Variants in TBC1D8B observed in about 807,000 individuals in gnomAD.
TBC1D8B encodes the protein RP11-321G1.1.
Under a neutral mutation model 82.9 loss-of-function variants are expected in TBC1D8B, and 75 were observed. That is an observed-to-expected ratio of 0.90 (90% confidence interval 0.75 to 1.10). TBC1D8B has a LOEUF of 1.10. Among genes scored for constraint, TBC1D8B ranks in the 50% least tolerant of loss-of-function variants. TBC1D8B has a pLI of 0.00. For synonymous variants in TBC1D8B, 276 were observed against 276.8 expected (o/e 1.00, Z 0.03); for missense variants, 794 against 796.9 (o/e 1.00, Z 0.04).
intron 1 of TBC1D8B, among the ~76,000 whole-genome samples, chrX:106,808,780 TTAAAAAA>T (rs1931270379): frequency 8.9e-6 from 1 of 111,896 alleles, no homozygotes; most frequent in Admixed American, 9.5e-5. Flanking sequence ...AAAACAATAC[TTAAAAAA>T]TAATTATTCA....
chrX:106,803,326 G>A (rs1196309317), intron 1 of TBC1D8B, among the ~76,000 whole-genome samples: 1 of 111,563 alleles, frequency 9.0e-6, no homozygotes, highest in Non-Finnish European at 1.9e-5. Context: ...GGTGACAGGG[G>A]CCAGTTCGCA....
chrX:106,825,109 A>C (rs1361872549), intron 5 of TBC1D8B, among the ~76,000 whole-genome samples: 1 of 111,362 alleles, frequency 9.0e-6, no homozygotes, highest in African/African-American at 3.3e-5. Context: ...GAACCCACAA[A>C]ATTGCAATTT....
chrX:106,831,732 C>T (rs2147743519), intron 7 of TBC1D8B, among the ~76,000 whole-genome samples: 1 of 111,693 alleles, frequency 9.0e-6, no homozygotes, highest in Non-Finnish European at 1.9e-5. Context: ...ACCATCTTTC[C>T]AAATATGCAT....
Position 106,870,632 on chromosome X carries a change from C to T in TBC1D8B, c.2870-84C>T, listed in dbSNP as rs1387855999. On this transcript the variant is annotated intron_variant, in intron 19 of 20. Coordinates refer to ENST00000357242, the MANE Select transcript of TBC1D8B (RefSeq NM_017752.3). Reference sequence around the variant, plus strand: ...GGGATCTTATATCTCAGTGAAATACCTTTTAATCATAATTATTATTTTTGA... The same window carrying T: ...GGGATCTTATATCTCAGTGAAATACTTTTTAATCATAATTATTATTTTTGA... 6.8e-6 allele frequency: 4 copies of T among 586,660 alleles called. No homozygotes were observed. In the African/African-American group the frequency reaches 7.2e-5, roughly 11 times the overall value. 48.3% of individuals were successfully genotyped at this position (586,660 alleles called of 1,213,427 possible).
At position 106,857,714 on chromosome X, in the gene TBC1D8B, C is replaced by T. The variant is rs1932726764; in HGVS notation, c.2352+3418C>T. The stretch of plus-strand genomic sequence containing the variant: ...GTTCACTTAGGATAACGGTCTCCAG[C>T]TCCATCCATGTTGCTCCAAAGAACA... On this transcript the variant is annotated intron_variant, in intron 14 of 20. Coordinates refer to ENST00000357242, the MANE Select transcript of TBC1D8B (RefSeq NM_017752.3). Among the ~76,000 whole-genome samples, 6 of 112,064 alleles carry T rather than the reference C, an allele frequency of 5.4e-5. No homozygotes were observed. In the Admixed American group the frequency reaches 5.7e-4, roughly 11 times the overall value.
chrX:106,830,800 T>TG (rs1336546657), intron 7 of TBC1D8B, among the ~76,000 whole-genome samples: 1 of 38,583 alleles, frequency 2.6e-5, no homozygotes, highest in African/African-American at 1.1e-4. Context: ...TGTGGTGGGG[T>TG]GGGGGGAGGG....
intron 1 of TBC1D8B, among the ~76,000 whole-genome samples, chrX:106,807,205 C>G (rs886522445): frequency 9.3e-5 from 10 of 108,048 alleles, no homozygotes; most frequent in Non-Finnish European, 1.7e-4. Context: ...TCTACCCGCC[C>G]CCCCCCATAC....
intron 7 of TBC1D8B, among the ~76,000 whole-genome samples, chrX:106,837,463 T>A (rs1274577570): frequency 8.9e-6 from 1 of 111,786 alleles, no homozygotes; most frequent in Non-Finnish European, 1.9e-5. Flanking sequence ...CATTAGTCAA[T>A]AGAGAAATGC....
chrX:106,856,390 T>C (rs1258509884), intron 14 of TBC1D8B, among the ~76,000 whole-genome samples: 1 of 111,033 alleles, frequency 9.0e-6, no homozygotes, highest in African/African-American at 3.3e-5. Flanking sequence ...GGGTTTCATA[T>C]CAAACTTAGC....
intron 13 of TBC1D8B, 125 bp downstream of exon 13, chrX:106,853,775 C>T: frequency 1.4e-6 from 1 of 727,152 alleles, no homozygotes. Flanking sequence ...TAAAATCCAA[C>T]TTAACTTTTA....
intron 7 of TBC1D8B, among the ~76,000 whole-genome samples, chrX:106,835,886 G>T (rs1932164951): frequency 9.0e-6 from 1 of 111,476 alleles, no homozygotes; most frequent in African/African-American, 3.3e-5. Context: ...TCAGCATTTT[G>T]GTCAAAGCCA....
rs767641176 is a variant in TBC1D8B, at chrX:106,873,582, C to T, written c.2980C>T (p.Gln994Ter). Residue 994 changes from glutamine to a stop codon, truncating the protein, a stop_gained, in exon 21 of 21, where the codon CAG becomes TAG. Transcript: ENST00000357242. LOFTEE classifies it high-confidence loss of function. The part of the protein sequence containing the change: ...LPRMNQSQFI[Q>*]FSKTLYNLFH... ...TTGTGTCTTCTAGTCTCAGTTTATT[C>T]AGTTTTCAAAGACCCTCTATAACTT... The T allele has an allele frequency of 8.4e-7, 1 of 1,194,288 alleles. No individual in the cohort carries two copies. Among genetic ancestry groups the T allele is most frequent in the East Asian group, 3.0e-5 (1 of 33,712 alleles).
chrX:106,869,615 A>G, intron 19 of TBC1D8B, 74 bp downstream of exon 19: 2 of 849,885 alleles, frequency 2.4e-6, no homozygotes, highest in Non-Finnish European at 3.3e-6. Flanking sequence ...ACAAAGGGGG[A>G]AAAGGTGGAT....
rs970611053 is a variant in TBC1D8B at position 106,811,486 on chromosome X, A to G, written c.131-7177A>G. Among the ~76,000 whole-genome samples, 4 of 111,739 alleles carry G rather than the reference A, an allele frequency of 3.6e-5. No homozygotes were observed. The Admixed American group carries it at 3.8e-4, about 11-fold the overall frequency. On this transcript the variant is annotated intron_variant, in intron 1 of 20. Coordinates refer to ENST00000357242, the MANE Select transcript of TBC1D8B (RefSeq NM_017752.3). The stretch of plus-strand genomic sequence containing the variant: ...GGAGGCTCCAGTGAGCTGAGATTGC[A>G]TCACTACACTCCAGGCAGGGTGACA...
chrX:106,840,290 A>T (rs1932274389), intron 9 of TBC1D8B, 92 bp downstream of exon 9: 1 of 930,494 alleles, frequency 1.1e-6, no homozygotes, highest in African/African-American at 2.0e-5. Context: ...AATTACAAAG[A>T]TGGTTAATAC....
At chrX:106,870,957 G>A in intron 20 of TBC1D8B, 144 bp downstream of exon 20, 1 of 379,827 alleles carries the variant, frequency 2.6e-6, no homozygotes, top group Non-Finnish European at 4.5e-6. Context: ...GAGCATGGAA[G>A]AGTGGGAAGA....
At chrX:106,848,811 T>C (rs1932517959) in intron 11 of TBC1D8B, among the ~76,000 whole-genome samples, 1 of 110,759 alleles carries the variant, frequency 9.0e-6, no homozygotes, top group Non-Finnish European at 1.9e-5. Flanking sequence ...GGAGTCTTGC[T>C]CTGTCGCCCA....
chrX:106,808,733 A>G (rs1448543707), intron 1 of TBC1D8B, among the ~76,000 whole-genome samples: 2 of 112,461 alleles, frequency 1.8e-5, no homozygotes, highest in African/African-American at 6.5e-5. Context: ...GGTGATAAAG[A>G]GTACATATAA....
chrX:106,807,005 T>C (rs1364686338), intron 1 of TBC1D8B, among the ~76,000 whole-genome samples: 1 of 111,446 alleles, frequency 9.0e-6, no homozygotes, highest in Non-Finnish European at 1.9e-5. Context: ...TTCTTTCCCC[T>C]ATTTCCTCAC....
Sources: allele counts gnomAD v4.1 joint callset (sites outside exome capture counted in the v4.1 genomes callset), GRCh38; gene constraint gnomAD v4.1.1; transcripts MANE v1.5; gene names NCBI Gene and HGNC (gene_info 2026-07-23, HGNC 2026-07-21).